Variants in PCDH11X observed in about 807,000 individuals in gnomAD.
PCDH11X encodes the protein protocadherin 11 X-linked.
Under a neutral mutation model 53.3 loss-of-function variants are expected in PCDH11X, and 18 were observed. That is an observed-to-expected ratio of 0.34 (90% CI 0.23 to 0.50). PCDH11X has a LOEUF of 0.50. Ranked by LOEUF, PCDH11X falls within the 20% of genes least tolerant of loss-of-function variation. The probability of loss-of-function intolerance (pLI) is 0.98; values close to 1 mark genes in which losing one functional copy is unlikely to be tolerated. For synonymous variants in PCDH11X, 279 were observed against 393.3 expected (o/e 0.71, Z 3.44); for missense variants, 570 against 1,032.4 (o/e 0.55, Z 6.14).
At chrX:91,812,307 A>G (rs1343588367) in intron 4 of PCDH11X, among the ~76,000 whole-genome samples, 23 of 110,984 alleles carry the variant, frequency 2.1e-4, no homozygotes, top group African/African-American at 7.2e-4. Context: ...AGAAGAAAAG[A>G]TTTAAACAAC....
At chrX:91,834,882 C>G (rs3795211) in intron 4 of PCDH11X, 93,952 of 474,869 alleles carry the variant, frequency 0.2, 8,051 homozygotes, top group East Asian at 0.29. Context: ...ACATCAACCC[C>G]TCTCCTCTCC....
chrX:92,363,618 C>A (rs188344904), intron 8 of PCDH11X, among the ~76,000 whole-genome samples: 30 of 109,359 alleles, frequency 2.7e-4, no homozygotes, highest in African/African-American at 9.6e-4. Flanking sequence ...AAACTTACTT[C>A]TTCCTTTCCA....
intron 5 of PCDH11X, among the ~76,000 whole-genome samples, chrX:91,839,181 C>T (rs1389150796): frequency 1.8e-5 from 2 of 110,126 alleles, no homozygotes; most frequent in Non-Finnish European, 3.8e-5. Flanking sequence ...TTATGCTTAT[C>T]ATCATATGAC....
chrX:92,392,234 A>G (rs2148578409), intron 9 of PCDH11X, among the ~76,000 whole-genome samples: 1 of 111,360 alleles, frequency 9.0e-6, no homozygotes, highest in African/African-American at 3.2e-5. Flanking sequence ...AAAAGAAGAA[A>G]ATATAGAGTT....
chrX:92,236,859 T>C (rs962114769), intron 7 of PCDH11X, among the ~76,000 whole-genome samples: 2 of 111,911 alleles, frequency 1.8e-5, no homozygotes, highest in African/African-American at 6.5e-5. Context: ...TTGTCCACAA[T>C]GTACAATGAG....
chrX:92,341,560 G>T, intron 8 of PCDH11X, among the ~76,000 whole-genome samples: 1 of 111,413 alleles, frequency 9.0e-6, no homozygotes, highest in Non-Finnish European at 1.9e-5. Context: ...TACAATCATG[G>T]TTTAAGGTGA....
intron 7 of PCDH11X, 96 bp downstream of exon 7, chrX:92,201,551 A>G: frequency 2.2e-6 from 1 of 463,631 alleles, no homozygotes; most frequent in South Asian, 5.5e-5. Flanking sequence ...CATAATGTGT[A>G]TTCCCTTACA....
intron 5 of PCDH11X, among the ~76,000 whole-genome samples, chrX:91,855,702 TGA>T (rs1036555420): frequency 3.6e-5 from 4 of 110,873 alleles, no homozygotes; most frequent in African/African-American, 1.3e-4. Context: ...TTTTCGTGAT[TGA>T]GATTTTTTAC....
In PCDH11X at chrX:92,548,124, A is replaced by C. The variant is rs780527243; in HGVS notation, c.3368-70140A>C. Among the ~76,000 whole-genome samples, 3 of 109,609 alleles carry C rather than the reference A, an allele frequency of 2.7e-5. No homozygotes were observed. In the South Asian group the frequency reaches 1.2e-3, roughly 44 times the overall value. On this transcript the variant is annotated intron_variant, in intron 10 of 10. Coordinates refer to ENST00000682573, the MANE Select transcript of PCDH11X (RefSeq NM_032968.5). ...AAAATACTCTTAAAGGAAAGAACTCATTCCTTTCCTGCAATTCTATTTTTT... is the reference window on the plus strand; with the variant it reads ...AAAATACTCTTAAAGGAAAGAACTCCTTCCTTTCCTGCAATTCTATTTTTT...
At chrX:92,522,331 G>T (rs1389150937) in intron 10 of PCDH11X, among the ~76,000 whole-genome samples, 1 of 111,879 alleles carries the variant, frequency 8.9e-6, no homozygotes, top group African/African-American at 3.2e-5. Flanking sequence ...AGAGAGATGG[G>T]AAAATGGCTG....
chrX:92,560,678 C>A (rs1334874128), intron 10 of PCDH11X, among the ~76,000 whole-genome samples: 4 of 109,524 alleles, frequency 3.7e-5, no homozygotes, highest in East Asian at 2.9e-4. Context: ...GTGGTTATGG[C>A]CACAGGGAGA....
chrX:92,429,011 A>G (rs1490034854), intron 9 of PCDH11X, among the ~76,000 whole-genome samples: 4 of 111,439 alleles, frequency 3.6e-5, no homozygotes, highest in Non-Finnish European at 5.7e-5. Context: ...GATGCCTCAA[A>G]GCTGGTTTTT....
intron 6 of PCDH11X, among the ~76,000 whole-genome samples, chrX:91,941,199 CAT>C (rs1202486294): frequency 5.4e-5 from 6 of 110,873 alleles, no homozygotes; most frequent in Non-Finnish European, 1.1e-4. Flanking sequence ...ACGGGAAAGA[CAT>C]AGGACAAACA....
intron 8 of PCDH11X, among the ~76,000 whole-genome samples, chrX:92,326,625 T>TATATATATATATATATATATATATA (rs1198560382): frequency 3.9e-5 from 2 of 50,872 alleles, no homozygotes; most frequent in African/African-American, 2.5e-4. Context: ...TAATAAACTA[T>TATATATATATATATATATATATATA]ATATATATAT....
chrX:92,497,998 G>A (rs2073889845), intron 10 of PCDH11X, among the ~76,000 whole-genome samples: 1 of 111,762 alleles, frequency 8.9e-6, no homozygotes, highest in Admixed American at 9.6e-5. Context: ...TGAGAGAAAA[G>A]TCAAATACTT....
At chrX:91,900,310 C>T (rs1160975943) in intron 6 of PCDH11X, among the ~76,000 whole-genome samples, 2 of 110,308 alleles carry the variant, frequency 1.8e-5, no homozygotes, top group African/African-American at 3.3e-5. Flanking sequence ...TGGCAGCATT[C>T]CTCCCTCTGG....
At chrX:92,190,073 C>T (rs1603142378) in intron 6 of PCDH11X, among the ~76,000 whole-genome samples, 2 of 111,761 alleles carry the variant, frequency 1.8e-5, no homozygotes. Flanking sequence ...TAATTAGATC[C>T]CATTTTTCAA....
At chrX:92,578,657 G>T (rs1477035360) in intron 10 of PCDH11X, among the ~76,000 whole-genome samples, 1 of 111,083 alleles carries the variant, frequency 9.0e-6, no homozygotes. Flanking sequence ...ATGTGAGATG[G>T]TTCTCTTGAA....
intron 10 of PCDH11X, among the ~76,000 whole-genome samples, chrX:92,538,729 G>A (rs1365261354): frequency 1.0e-5 from 1 of 98,971 alleles, no homozygotes; most frequent in African/African-American, 3.7e-5. Flanking sequence ...TTATTGTACT[G>A]TCTATGTTTT....
Sources: gnomAD v4.1 joint callset for allele counts (sites outside exome capture counted in the v4.1 genomes callset) on GRCh38, gnomAD v4.1.1 for gene constraint, MANE v1.5 for transcripts, NCBI Gene and HGNC (gene_info 2026-07-23, HGNC 2026-07-21) for gene names.